Variants in SSH1 observed in about 807,000 individuals in gnomAD.
SSH1 encodes the protein protein phosphatase Slingshot homolog 1.
Under a neutral mutation model 79.7 loss-of-function variants are expected in SSH1, and 43 were observed. The observed-to-expected ratio is 0.54, with a 90% CI of 0.42 to 0.70. SSH1 has a LOEUF of 0.70. SSH1 is among the 30% of genes least tolerant of loss of function. SSH1 has a pLI of 0.00. For missense variants in SSH1, 1,206 were observed against 1,358.8 expected (o/e 0.89, Z 1.77); for synonymous variants, 599 against 538.3 (o/e 1.11, Z -1.56).
At chr12:108,815,814 G>C (rs924599887) in intron 5 of SSH1, among the ~76,000 whole-genome samples, 1 of 152,200 alleles carries the variant, frequency 6.6e-6, no homozygotes, top group Non-Finnish European at 1.5e-5. Flanking sequence ...CTTTCTCATA[G>C]TGCTATTTAT....
rs1243201788 is a variant in SSH1 at position 108,817,083 on chromosome 12, G to A, written c.356C>T (p.Thr119Ile). 10 of 1,614,070 alleles carry A rather than the reference G, an allele frequency of 6.2e-6. No homozygotes were observed. The highest frequency in any genetic ancestry group is 8.5e-6 in the Non-Finnish European group (10 of 1,180,044). ...VVVYSSGRQD[T>I]EENILLGVDF... ...CACTCCCAGCAAGATATTCTCCTCGGTGTCCTGGCGCCCGCTGCTGTACAC... is the reference window on the plus strand; with the variant it reads ...CACTCCCAGCAAGATATTCTCCTCGATGTCCTGGCGCCCGCTGCTGTACAC... The change falls in exon 5 of 15, where the codon ACC becomes ATC. Residue 119 changes from threonine to isoleucine, a missense_variant. This residue lies in a region of SSH1 where 115 missense variants were observed against 173.9 expected (regional missense o/e 0.66). Transcript: ENST00000326495.
In SSH1 at chr12:108,807,530, G is replaced by C. The variant is rs976280780; in HGVS notation, c.731+103C>G. ...GGTTCTCACTCAAGGGACTCCAGGGGAGGTGTGGCCCAATGCAGGTTCAGG... is the reference window on the plus strand; with the variant it reads ...GGTTCTCACTCAAGGGACTCCAGGGCAGGTGTGGCCCAATGCAGGTTCAGG... On this transcript the variant is annotated intron_variant, in intron 8 of 14. Coordinates refer to ENST00000326495, the MANE Select transcript of SSH1 (RefSeq NM_018984.4). The surrounding 1 kb of genome is among the most constrained non-coding windows in gnomAD (Gnocchi z 5.2). The C allele has an allele frequency of 9.1e-7, 1 of 1,097,250 alleles. No homozygotes were observed. Among genetic ancestry groups the C allele is most frequent in the Non-Finnish European group, 1.4e-6 (1 of 730,108 alleles). The allele number at this position is 1,097,250 out of a possible 1,614,324, so 68.0% of individuals were successfully genotyped here.
intron 8 of SSH1, among the ~76,000 whole-genome samples, chr12:108,806,863 A>G (rs1379498474): frequency 6.6e-6 from 1 of 152,206 alleles, no homozygotes; most frequent in Non-Finnish European, 1.5e-5. Flanking sequence ...ACAGACCAGG[A>G]TAATCCTTCT....
intron 11 of SSH1, among the ~76,000 whole-genome samples, chr12:108,801,622 G>A (rs772929670): frequency 6.6e-6 from 1 of 151,872 alleles, no homozygotes; most frequent in Non-Finnish European, 1.5e-5. Flanking sequence ...CATCTTAACC[G>A]GTAGTTCTAA....
intron 11 of SSH1, among the ~76,000 whole-genome samples, chr12:108,801,564 A>G (rs540355244): frequency 6.6e-6 from 1 of 152,220 alleles, no homozygotes; most frequent in Non-Finnish European, 1.5e-5. Context: ...ACGAAAGCAC[A>G]GAAGAGTATG....
intron 2 of SSH1, among the ~76,000 whole-genome samples, chr12:108,825,714 T>C (rs371344180): frequency 2.0e-5 from 3 of 152,312 alleles, no homozygotes; most frequent in African/African-American, 7.2e-5. Context: ...GTTCAAGTGT[T>C]GAGGAGCTCA....
At position 108,799,083 on chromosome 12, in the gene SSH1, A is replaced by C; in HGVS notation, c.1266T>G (p.Tyr422Ter). ...FGWPLEKAYN[Y>*]VKQKRSITRP... ...GCGTGATGCTGCGCTTCTGCTTTACATAGTTATATGCTTTTTCCAGAGGCC... is the reference window on the plus strand; with the variant it reads ...GCGTGATGCTGCGCTTCTGCTTTACCTAGTTATATGCTTTTTCCAGAGGCC... Residue 422 changes from tyrosine to a stop codon, truncating the protein, a stop_gained, in exon 13 of 15, where the codon TAT becomes TAG. Coordinates refer to ENST00000326495, the MANE Select transcript of SSH1 (RefSeq NM_018984.4). LOFTEE classifies it high-confidence loss of function. The C allele has an allele frequency of 1.2e-6, 2 of 1,614,170 alleles. No individual in the cohort carries two copies. Among genetic ancestry groups the C allele is most frequent in the Non-Finnish European group, 1.7e-6 (2 of 1,180,044 alleles).
chr12:108,793,817 A>G (rs1228974778), intron 13 of SSH1, among the ~76,000 whole-genome samples: 19 of 152,200 alleles, frequency 1.2e-4, no homozygotes, highest in Non-Finnish European at 1.5e-5. Context: ...GGTTAAAAAG[A>G]GAGAGGTAAA....
chr12:108,789,469 T>C (rs1393413206), intron 14 of SSH1, among the ~76,000 whole-genome samples: 2 of 152,124 alleles, frequency 1.3e-5, no homozygotes, highest in African/African-American at 4.8e-5. Context: ...AAAACAAGTT[T>C]ACATTGTTTC....
At chr12:108,817,231 G>T in intron 4 of SSH1, 72 bp from the exon 5 acceptor site, 1 of 1,596,426 alleles carries the variant, frequency 6.3e-7, no homozygotes. Flanking sequence ...TCCAATGCAA[G>T]ATCAACACTT....
intron 1 of SSH1, 154 bp from the exon 2 acceptor site, chr12:108,852,832 C>T: frequency 1.0e-6 from 1 of 985,420 alleles, no homozygotes; most frequent in East Asian, 1.1e-4. Context: ...CCTCACCAAT[C>T]CCGGTCTGTC....
intron 2 of SSH1, among the ~76,000 whole-genome samples, chr12:108,830,555 G>A (rs1443738079): frequency 2.6e-5 from 4 of 152,060 alleles, no homozygotes; most frequent in African/African-American, 7.2e-5. Flanking sequence ...GGTACACGTC[G>A]ATGTTTTCTG....
In SSH1 at chr12:108,851,130, G is replaced by C. The variant is rs1453904030; in HGVS notation, c.110+1508C>G. ...ATGGAGCAAATGTGTCCTGTATCTT[G>C]AGCATAACATTAAAAGTGAGGACCC... On this transcript the variant is annotated intron_variant, in intron 2 of 14. Transcript: ENST00000326495. Among the ~76,000 whole-genome samples, 3 of 152,276 alleles carry C rather than the reference G, an allele frequency of 2.0e-5. No homozygotes were observed. The East Asian group carries it at 5.8e-4, about 29-fold the overall frequency.
intron 6 of SSH1, among the ~76,000 whole-genome samples, chr12:108,810,915 G>A (rs1011905597): frequency 2.0e-5 from 3 of 152,232 alleles, no homozygotes; most frequent in Admixed American, 6.5e-5. Flanking sequence ...ACATTAGTCC[G>A]TGAACTTTCA....
intron 1 of SSH1, chr12:108,852,965 C>G: frequency 1.0e-6 from 1 of 985,430 alleles, no homozygotes; most frequent in Non-Finnish European, 1.2e-6. Flanking sequence ...TTACCCAGCA[C>G]GGTCTTTTAG....
chr12:108,827,118 A>T, intron 2 of SSH1: 2 of 686,158 alleles, frequency 2.9e-6, no homozygotes, highest in Non-Finnish European at 2.3e-6. Flanking sequence ...TCATAAGATT[A>T]AAGTTTCTCC....
chr12:108,843,994 C>A (rs1281960468), intron 2 of SSH1, among the ~76,000 whole-genome samples: 1 of 152,060 alleles, frequency 6.6e-6, no homozygotes, highest in East Asian at 1.9e-4. Context: ...GAGAGAAAAA[C>A]GCCTGTGAGA....
At chr12:108,811,640 C>G (rs150340401) in intron 5 of SSH1, 1 of 436,320 alleles carries the variant, frequency 2.3e-6, no homozygotes, top group East Asian at 4.9e-5. Flanking sequence ...CTTGGGGGTA[C>G]ATAGGCAAGC....
At chr12:108,806,964 G>GTC (rs1340253544) in intron 8 of SSH1, among the ~76,000 whole-genome samples, 1 of 152,150 alleles carries the variant, frequency 6.6e-6, no homozygotes, top group Non-Finnish European at 1.5e-5. Context: ...CATCCCTCAG[G>GTC]TCTCTGCCCT....
Sources: allele counts gnomAD v4.1 joint callset (sites outside exome capture counted in the v4.1 genomes callset), GRCh38; gene constraint gnomAD v4.1.1; regional missense constraint gnomAD v4.1.1; non-coding constraint Gnocchi (gnomAD v3.1); transcripts MANE v1.5; gene names NCBI Gene and HGNC (gene_info 2026-07-23, HGNC 2026-07-21).